Variants in CCDC38 observed in about 807,000 individuals in gnomAD.
The protein encoded by CCDC38 is coiled-coil domain-containing protein 38.
CCDC38 carries 69 observed loss-of-function variants against 72.8 expected under a neutral mutation model. The ratio of observed to expected loss-of-function variants is 0.95; its 90% CI spans 0.78 to 1.16. The LOEUF is 1.16. CCDC38 is among the 50% of genes most tolerant of loss of function. CCDC38 has a pLI of 0.00. For synonymous variants in CCDC38, 201 were observed against 213.2 expected (o/e 0.94, Z 0.50); for missense variants, 626 against 638.9 (o/e 0.98, Z 0.22).
intron 10 of CCDC38, among the ~76,000 whole-genome samples, chr12:95,888,019 T>C (rs901379247): frequency 3.9e-5 from 6 of 152,086 alleles, no homozygotes; most frequent in African/African-American, 1.4e-4. Flanking sequence ...GAAGCTCTCT[T>C]GGGGTAGTAA....
At chr12:95,908,360 G>T (rs1259328101) in intron 4 of CCDC38, among the ~76,000 whole-genome samples, 1 of 148,410 alleles carries the variant, frequency 6.7e-6, no homozygotes, top group Non-Finnish European at 1.5e-5. Context: ...CACTCGGCAG[G>T]CTGAGGCAGG....
At chr12:95,870,265 A>G (rs2079567013) in intron 14 of CCDC38, among the ~76,000 whole-genome samples, 1 of 152,224 alleles carries the variant, frequency 6.6e-6, no homozygotes, top group Admixed American at 6.5e-5. Context: ...TTTGAATAAT[A>G]TCCTCAAATT....
Position 95,906,874 on chromosome 12 carries a change from G to A in CCDC38, c.305-423C>T, listed in dbSNP as rs527574027. Among the ~76,000 whole-genome samples the A allele has an allele frequency of 4.0e-5, 6 of 149,936 alleles. No individual in the cohort carries two copies. In the South Asian group the frequency reaches 1.3e-3, roughly 32 times the overall value. ...CATTCTTGGGTGTTTCTCGCAGAGG[G>A]GGATTTGGCAGGGTCACAGGACAAT... On this transcript the variant is annotated intron_variant, in intron 4 of 15. Coordinates refer to ENST00000344280, the MANE Select transcript of CCDC38 (RefSeq NM_182496.3).
intron 5 of CCDC38, among the ~76,000 whole-genome samples, chr12:95,902,193 T>C: frequency 6.6e-6 from 1 of 152,334 alleles, no homozygotes; most frequent in East Asian, 1.9e-4. Flanking sequence ...ATCATTTTCA[T>C]AATTTTTTTC....
chr12:95,928,440 C>G (rs2080297603), intron 2 of CCDC38, among the ~76,000 whole-genome samples: 2 of 152,226 alleles, frequency 1.3e-5, no homozygotes, highest in Admixed American at 6.5e-5. Flanking sequence ...ATACATTCTT[C>G]TAAACTTTTT....
At chr12:95,924,807 C>G (rs1403451492) in intron 2 of CCDC38, among the ~76,000 whole-genome samples, 1 of 145,408 alleles carries the variant, frequency 6.9e-6, no homozygotes, top group Non-Finnish European at 1.5e-5. Flanking sequence ...ATCCTTTCCC[C>G]ATTGCTTGTT....
intron 2 of CCDC38, among the ~76,000 whole-genome samples, chr12:95,922,818 C>T (rs1279726483): frequency 6.6e-6 from 1 of 152,116 alleles, no homozygotes; most frequent in Non-Finnish European, 1.5e-5. Flanking sequence ...CAGGAGGTAG[C>T]CACAGAGATT....
chr12:95,937,702 G>T (rs561330423), intron 1 of CCDC38, among the ~76,000 whole-genome samples: 1 of 152,254 alleles, frequency 6.6e-6, no homozygotes, highest in Non-Finnish European at 1.5e-5. Flanking sequence ...AGCAGCAGAT[G>T]ATTAAGAACA....
At chr12:95,881,619 A>G in intron 10 of CCDC38, 65 bp from the exon 11 acceptor site, 1 of 1,324,404 alleles carries the variant, frequency 7.6e-7, no homozygotes, top group Non-Finnish European at 1.1e-6. Flanking sequence ...ACAGGTTTGC[A>G]TTCCTCTCTA....
intron 1 of CCDC38, among the ~76,000 whole-genome samples, chr12:95,937,132 T>C (rs2136747175): frequency 6.6e-6 from 1 of 152,306 alleles, no homozygotes; most frequent in African/African-American, 2.4e-5. Context: ...GTTAATGCAA[T>C]ATATTTTTAT....
intron 4 of CCDC38, among the ~76,000 whole-genome samples, chr12:95,908,476 A>C (rs1467214693): frequency 0.25 from 1 of 4 alleles, no homozygotes; most frequent in African/African-American, 0.5. Context: ...GGAGAGGGAG[A>C]GGGAGAGGGA....
At position 95,894,981 on chromosome 12, in the gene CCDC38, T is replaced by C. The variant is rs1674239282; in HGVS notation, c.772+8A>G. The C allele has an allele frequency of 1.9e-6, 3 of 1,601,296 alleles. No individual in the cohort carries two copies. Among genetic ancestry groups the C allele is most frequent in the Non-Finnish European group, 2.6e-6 (3 of 1,174,484 alleles). Reference sequence around the variant, plus strand: ...TTAGTTCATGAAAGTTGAGTATAAGTAACTTACTTGCTAATATTTTTGGAA... The same window carrying C: ...TTAGTTCATGAAAGTTGAGTATAAGCAACTTACTTGCTAATATTTTTGGAA... On this transcript the variant is annotated splice_region_variant and intron_variant, in intron 8 of 15. Coordinates refer to ENST00000344280, the MANE Select transcript of CCDC38 (RefSeq NM_182496.3).
At chr12:95,936,970 G>T (rs956907610) in intron 1 of CCDC38, among the ~76,000 whole-genome samples, 1 of 152,214 alleles carries the variant, frequency 6.6e-6, no homozygotes, top group African/African-American at 2.4e-5. Flanking sequence ...GATTACATGT[G>T]ATTTGGTGCA....
intron 5 of CCDC38, among the ~76,000 whole-genome samples, chr12:95,901,496 G>A (rs369639063): frequency 5.3e-5 from 8 of 152,126 alleles, no homozygotes; most frequent in African/African-American, 1.4e-4. Flanking sequence ...GGTGGAATTC[G>A]AAGACATGAG....
intron 9 of CCDC38, 95 bp from the exon 10 acceptor site, chr12:95,888,601 A>C: frequency 9.0e-7 from 1 of 1,110,148 alleles, no homozygotes; most frequent in Non-Finnish European, 1.4e-6. Flanking sequence ...ACTTGGTGCA[A>C]GGTATTCATT....
chr12:95,882,513 C>T (rs980826645), intron 10 of CCDC38, among the ~76,000 whole-genome samples: 2 of 152,084 alleles, frequency 1.3e-5, no homozygotes, highest in Admixed American at 1.3e-4. Flanking sequence ...CCTGGAGCTG[C>T]CTATTGAGCA....
chr12:95,910,708 T>G (rs932749022), intron 4 of CCDC38, among the ~76,000 whole-genome samples: 7 of 151,874 alleles, frequency 4.6e-5, no homozygotes, highest in Non-Finnish European at 1.0e-4. Flanking sequence ...ACAAAAAAAT[T>G]AAAAAATTAG....
intron 4 of CCDC38, among the ~76,000 whole-genome samples, chr12:95,915,444 T>G (rs1459392092): frequency 2.6e-5 from 4 of 152,210 alleles, no homozygotes; most frequent in African/African-American, 7.2e-5. Context: ...AAATGGCACT[T>G]CTCTCATGTA....
At chr12:95,911,946 C>A (rs115309605) in intron 4 of CCDC38, among the ~76,000 whole-genome samples, 13,897 of 152,218 alleles carry the variant, frequency 0.091, 802 homozygotes, top group Non-Finnish European at 0.12. Flanking sequence ...TTAACCACAG[C>A]AAATACAGAG....
Sources: gnomAD v4.1 joint callset for allele counts (sites outside exome capture counted in the v4.1 genomes callset) on GRCh38, gnomAD v4.1.1 for gene constraint, MANE v1.5 for transcripts, NCBI Gene and HGNC (gene_info 2026-07-23, HGNC 2026-07-21) for gene names.